Variants in RBFOX1 observed in about 807,000 individuals in gnomAD.
The protein encoded by RBFOX1 is RNA binding fox-1 homolog 1.
Under a neutral mutation model 57.7 loss-of-function variants are expected in RBFOX1, and 8 were observed. The ratio of observed to expected loss-of-function variants is 0.14; its 90% CI spans 0.08 to 0.25. The LOEUF (loss-of-function observed/expected upper bound fraction) is 0.25. RBFOX1 is among the 10% of genes least tolerant of loss of function. RBFOX1 has a pLI of 1.00. For synonymous variants in RBFOX1, 326 were observed against 222.4 expected, an observed-to-expected ratio of 1.47 and a Z score of -4.15; for missense variants, 611 against 548.5, an observed-to-expected ratio of 1.11 and a Z score of -1.14.
At chr16:7,131,364 T>TAAAAA (rs35050100) in intron 4 of RBFOX1, among the ~76,000 whole-genome samples, 2 of 83,302 alleles carry the variant, frequency 2.4e-5, no homozygotes, top group African/African-American at 4.5e-5. Context: ...TTTTTTTTTT[T>TAAAAA]AAAAAAAAAA....
At chr16:6,806,938 A>T (rs1274081355) in intron 3 of RBFOX1, among the ~76,000 whole-genome samples, 3 of 149,702 alleles carry the variant, frequency 2.0e-5, no homozygotes, top group Non-Finnish European at 3.0e-5. Context: ...GGTTCAAGTG[A>T]TTCTCCTGCC....
At chr16:7,701,082 G>A (rs371335335) in intron 14 of RBFOX1, among the ~76,000 whole-genome samples, 29 of 152,236 alleles carry the variant, frequency 1.9e-4, no homozygotes, top group South Asian at 6.2e-4. Flanking sequence ...GGGAAATCAC[G>A]AGGTTGAAAA....
chr16:7,708,485 A>C (rs1402116793), intron 14 of RBFOX1, among the ~76,000 whole-genome samples: 1 of 142,218 alleles, frequency 7.0e-6, no homozygotes, highest in East Asian at 2.0e-4. Context: ...GATCAAAACC[A>C]AATCAGTCTG....
intron 4 of RBFOX1, among the ~76,000 whole-genome samples, chr16:7,363,031 A>G (rs1168232393): frequency 6.6e-6 from 1 of 152,194 alleles, no homozygotes; most frequent in Non-Finnish European, 1.5e-5. Context: ...AGGCTTAAGC[A>G]GGATGGCCTG....
intron 1 of RBFOX1, among the ~76,000 whole-genome samples, chr16:5,344,877 T>C (rs944113511): frequency 6.6e-6 from 1 of 152,232 alleles, no homozygotes; most frequent in Non-Finnish European, 1.5e-5. Flanking sequence ...GAAGGCATGT[T>C]GATATCAATA....
intron 1 of RBFOX1, among the ~76,000 whole-genome samples, chr16:6,120,932 T>A (rs1342211708): frequency 6.6e-6 from 1 of 152,232 alleles, no homozygotes; most frequent in East Asian, 1.9e-4. Flanking sequence ...TCTGGGGCTG[T>A]TGTGTGAAAC....
chr16:6,644,891 T>G (rs527369914), intron 2 of RBFOX1, among the ~76,000 whole-genome samples: 1 of 152,308 alleles, frequency 6.6e-6, no homozygotes, highest in South Asian at 2.1e-4. Flanking sequence ...GCAAGAGAGA[T>G]CAGCACAAAG....
At chr16:7,679,891 A>G (rs562327161) in intron 14 of RBFOX1, among the ~76,000 whole-genome samples, 2 of 152,292 alleles carry the variant, frequency 1.3e-5, no homozygotes, top group African/African-American at 2.4e-5. Flanking sequence ...CTCATTGACA[A>G]ATTTAATGGG....
In RBFOX1 at chr16:7,309,983, C is replaced by G. The variant is rs2096272584; in HGVS notation, c.28-208164C>G. On this transcript the variant is annotated intron_variant, in intron 4 of 15. Coordinates refer to ENST00000550418, the MANE Select transcript of RBFOX1 (RefSeq NM_018723.4). Reference sequence around the variant, plus strand: ...CATTCATCAATAAAGTTTCCTATTGCCGGGTGCTGCCCAAGAGAACTCTGC... The same window carrying G: ...CATTCATCAATAAAGTTTCCTATTGGCGGGTGCTGCCCAAGAGAACTCTGC... Among the ~76,000 whole-genome samples, 3 of 152,324 alleles carry G rather than the reference C, an allele frequency of 2.0e-5. No individual in the cohort carries two copies. In the South Asian group the frequency reaches 6.2e-4, roughly 32 times the overall value.
chr16:7,709,179 C>T (rs746446537), intron 15 of RBFOX1, 48 bp downstream of exon 15: 1 of 1,522,416 alleles, frequency 6.6e-7, no homozygotes, highest in African/African-American at 1.4e-5. Context: ...CCTCCCTTCC[C>T]TTTCCCCAGC....
intron 4 of RBFOX1, among the ~76,000 whole-genome samples, chr16:7,369,053 G>T (rs879829193): frequency 1.3e-5 from 2 of 151,990 alleles, no homozygotes; most frequent in Admixed American, 1.3e-4. Context: ...GCATGGTGGT[G>T]GTAGAAGTCG....
intron 1 of RBFOX1, among the ~76,000 whole-genome samples, chr16:6,153,833 G>A (rs1325174994): frequency 6.6e-6 from 1 of 152,144 alleles, no homozygotes; most frequent in Non-Finnish European, 1.5e-5. Context: ...ACCATGCCCG[G>A]CCCATTATAT....
chr16:7,352,899 A>G (rs1029654745), intron 4 of RBFOX1, among the ~76,000 whole-genome samples: 2 of 152,000 alleles, frequency 1.3e-5, no homozygotes, highest in African/African-American at 2.4e-5. Flanking sequence ...TATTTTTTGT[A>G]GAGATGAAAT....
chr16:7,412,959 G>C (rs1489480245), intron 4 of RBFOX1, among the ~76,000 whole-genome samples: 1 of 152,082 alleles, frequency 6.6e-6, no homozygotes, highest in East Asian at 1.9e-4. Context: ...GGAGAATGGC[G>C]TGAACCCGGG....
At chr16:6,487,436 A>T (rs1288628941) in intron 2 of RBFOX1, among the ~76,000 whole-genome samples, 1 of 151,780 alleles carries the variant, frequency 6.6e-6, no homozygotes, top group Non-Finnish European at 1.5e-5. Context: ...TGATGTAGCA[A>T]ATGTAAATAG....
chr16:7,464,833 A>T (rs979005585), intron 4 of RBFOX1, among the ~76,000 whole-genome samples: 1 of 150,734 alleles, frequency 6.6e-6, no homozygotes, highest in Admixed American at 6.6e-5. Flanking sequence ...AGTAGCTGGG[A>T]CTGCAGGCGC....
intron 2 of RBFOX1, among the ~76,000 whole-genome samples, chr16:6,403,916 G>A (rs978153088): frequency 6.6e-6 from 1 of 152,158 alleles, no homozygotes; most frequent in Non-Finnish European, 1.5e-5. Context: ...ATTATAAGAA[G>A]AGGAAGAGAC....
At chr16:5,317,848 G>T (rs575618292) in intron 1 of RBFOX1, among the ~76,000 whole-genome samples, 2 of 152,088 alleles carry the variant, frequency 1.3e-5, no homozygotes, top group Non-Finnish European at 2.9e-5. Context: ...TCATACTGTT[G>T]TGTGACAGCT....
At chr16:6,573,530 C>G (rs1377630969) in intron 2 of RBFOX1, among the ~76,000 whole-genome samples, 2 of 152,204 alleles carry the variant, frequency 1.3e-5, no homozygotes, top group African/African-American at 4.8e-5. Context: ...GTGCAAATCT[C>G]TGATATTCCT....
Sources: allele counts gnomAD v4.1 joint callset (sites outside exome capture counted in the v4.1 genomes callset), GRCh38; gene constraint gnomAD v4.1.1; transcripts MANE v1.5; gene names NCBI Gene and HGNC (gene_info 2026-07-23, HGNC 2026-07-21).